The following CACNA1E variants were observed in gnomAD, a reference collection of about 807,000 sequenced individuals.
CACNA1E encodes voltage-dependent R-type calcium channel subunit alpha-1E.
A neutral mutation model predicts 259.2 loss-of-function variants in CACNA1E; 40 were observed. The observed-to-expected ratio is 0.15, with a 90% CI of 0.12 to 0.20. The LOEUF (loss-of-function observed/expected upper bound fraction) is 0.20, where lower values mean the gene tolerates loss of function less well. Ranked by LOEUF, CACNA1E falls within the 10% of genes least tolerant of loss-of-function variation. The probability of loss-of-function intolerance (pLI) is 1.00; values close to 1 mark genes in which losing one functional copy is unlikely to be tolerated. For missense variants in CACNA1E, 1,874 were observed against 3,040.1 expected (o/e 0.62, Z 9.02); for synonymous variants, 1,104 against 1,138.5 (o/e 0.97, Z 0.61).
chr1:181,625,640 C>T (rs1656130519), intron 6 of CACNA1E, among the ~76,000 whole-genome samples: 1 of 152,166 alleles, frequency 6.6e-6, no homozygotes, highest in African/African-American at 2.4e-5. Flanking sequence ...TAGGCTTTGG[C>T]TTAAAGGGAT....
chr1:181,350,881 G>A lies in CACNA1E; in HGVS notation c.-15+32758G>A, dbSNP rs372821277. On this transcript the variant is annotated intron_variant, in intron 1 of 11. Transcript: ENST00000524607. ...TAGGCACTGTGCTGGTGCTGAGGGC[G>A]CAGGGGTGAACAAGACAAATGCAGT... Among the ~76,000 whole-genome samples, 14 of 152,312 alleles carry A rather than the reference G, an allele frequency of 9.2e-5. No homozygotes were observed. The East Asian group carries it at 1.2e-3, about 13-fold the overall frequency.
intron 7 of CACNA1E, among the ~76,000 whole-genome samples, chr1:181,703,645 A>G (rs976976880): frequency 1.3e-5 from 2 of 152,222 alleles, no homozygotes; most frequent in African/African-American, 4.8e-5. Context: ...TGAGCTCCTA[A>G]AAGAATAATC....
chr1:181,501,123 C>G (rs2102563814), intron 1 of CACNA1E, among the ~76,000 whole-genome samples: 1 of 152,118 alleles, frequency 6.6e-6, no homozygotes, highest in East Asian at 1.9e-4. Flanking sequence ...TTTCTTTTTT[C>G]CCTTTTCTGT....
chr1:181,683,465 G>A (rs1212931818), intron 7 of CACNA1E, among the ~76,000 whole-genome samples: 2 of 152,118 alleles, frequency 1.3e-5, no homozygotes, highest in African/African-American at 2.4e-5. Context: ...GTTCAAGGAG[G>A]TACGTGTGCA....
rs537667743 is a variant in CACNA1E at position 181,733,659 on chromosome 1, G to T, written c.3171G>T (p.Thr1057=). The T allele has an allele frequency of 1.2e-6, 2 of 1,606,286 alleles. No individual in the cohort carries two copies. Among genetic ancestry groups the T allele is most frequent in the East Asian group, 4.5e-5 (2 of 44,214 alleles). Residue 1057 remains threonine (T), a synonymous_variant, in exon 21 of 48, where the codon ACG becomes ACT. Transcript: ENST00000367573. ...GCGAGCCTGACCTCTCCTGCATCAC[G>T]GCCAACACGGACAAGGCCACCACCG... ...SQSEPDLSCI[T]ANTDKATTES...
At chr1:181,761,654 ATC>A (rs769867374) in intron 32 of CACNA1E, among the ~76,000 whole-genome samples, 1 of 152,254 alleles carries the variant, frequency 6.6e-6, no homozygotes, top group African/African-American at 2.4e-5. Context: ...GTTGATTTAA[ATC>A]TCTGTTTTCT....
At chr1:181,626,729 A>G (rs1656237785) in intron 6 of CACNA1E, among the ~76,000 whole-genome samples, 1 of 152,198 alleles carries the variant, frequency 6.6e-6, no homozygotes, top group South Asian at 2.1e-4. Context: ...AGCTCTATGA[A>G]TTTATGATTC....
intron 1 of CACNA1E, among the ~76,000 whole-genome samples, chr1:181,396,653 A>G (rs1215301529): frequency 6.6e-6 from 1 of 152,192 alleles, no homozygotes; most frequent in African/African-American, 2.4e-5. Flanking sequence ...ACGAGTGAAA[A>G]ATTGATGACG....
At chr1:181,366,086 G>A (rs1654246611) in intron 1 of CACNA1E, among the ~76,000 whole-genome samples, 1 of 152,198 alleles carries the variant, frequency 6.6e-6, no homozygotes, top group Non-Finnish European at 1.5e-5. Flanking sequence ...GCTGATGAAT[G>A]GAACCTGGGC....
At chr1:181,719,532 C>G (rs1654234822) in intron 12 of CACNA1E, among the ~76,000 whole-genome samples, 1 of 152,162 alleles carries the variant, frequency 6.6e-6, no homozygotes, top group Non-Finnish European at 1.5e-5. Context: ...AGCCAATCTA[C>G]AGTGTGAAGG....
chr1:181,482,808 G>A (rs529700174), upstream of CACNA1E, among the ~76,000 whole-genome samples: 1,109 of 152,356 alleles, frequency 7.3e-3, 17 homozygotes, highest in African/African-American at 0.024. Context: ...CTCGCCCGCC[G>A]GTGCTCGCCG....
In CACNA1E at chr1:181,776,224, G is replaced by A; in HGVS notation, c.5263G>A (p.Ala1755Thr). Residue 1755 changes from alanine to threonine, a missense_variant, in exon 38 of 48, where the codon GCA (alanine) becomes ACA (threonine). Coordinates refer to ENST00000367573, the MANE Select transcript of CACNA1E (RefSeq NM_001205293.3). This position sits in a 1 kb window ranked among gnomAD's most constrained non-coding sequence, Gnocchi z 4.4. ...CGTCTGGGCAGAATATGACCGAGCAGCATGGTGCGTAGGCCCCTCGGCCGC... is the reference window on the plus strand; with the variant it reads ...CGTCTGGGCAGAATATGACCGAGCAACATGGTGCGTAGGCCCCTCGGCCGC... The part of the protein sequence containing the change: ...VRVWAEYDRA[A>T]CGRIHYTEMY... The A allele has an allele frequency of 6.2e-7, 1 of 1,614,008 alleles. No homozygotes were observed. Among genetic ancestry groups the A allele is most frequent in the Non-Finnish European group, 8.5e-7 (1 of 1,179,862 alleles).
chr1:181,669,298 G>A (rs575492761), intron 7 of CACNA1E, among the ~76,000 whole-genome samples: 1 of 152,254 alleles, frequency 6.6e-6, no homozygotes, highest in African/African-American at 2.4e-5. Context: ...ACCTCTCAAA[G>A]CTTTGCTGCA....
At chr1:181,418,848 G>A (rs895431334) in intron 2 of CACNA1E, among the ~76,000 whole-genome samples, 26 of 150,178 alleles carry the variant, frequency 1.7e-4, no homozygotes, top group African/African-American at 6.0e-4. Context: ...TTCCACACAC[G>A]TATATGATAC....
intron 34 of CACNA1E, among the ~76,000 whole-genome samples, chr1:181,765,137 C>T (rs1002620415): frequency 7.2e-5 from 11 of 152,104 alleles, no homozygotes; most frequent in South Asian, 4.1e-4. Context: ...AAGAGCATCG[C>T]CATTGCCTAT....
chr1:181,487,345 G>A (rs1345110322), intron 1 of CACNA1E, among the ~76,000 whole-genome samples: 1 of 152,130 alleles, frequency 6.6e-6, no homozygotes, highest in Non-Finnish European at 1.5e-5. Flanking sequence ...GGAGGGGGAG[G>A]GTAATCTTAT....
At chr1:181,364,633 G>A (rs1654133726) in intron 1 of CACNA1E, among the ~76,000 whole-genome samples, 1 of 147,418 alleles carries the variant, frequency 6.8e-6, no homozygotes, top group African/African-American at 2.4e-5. Context: ...AAGGAAGGTA[G>A]AATGATGCTG....
rs945505883 is a variant in CACNA1E at position 181,349,879 on chromosome 1, G to C, written c.-15+31756G>C. ...GGCCTCCACTCTTACCAACAGCTGT[G>C]TGACCCCAGGCAAGTCACTGTCTTC... On this transcript the variant is annotated intron_variant, in intron 1 of 11. Coordinates refer to the CACNA1E transcript ENST00000524607. 7.5e-4 allele frequency among the ~76,000 whole-genome samples: 114 copies of C among 152,214 alleles called. 1 individual carries two copies. The highest frequency in any genetic ancestry group is 1.8e-4 in the Non-Finnish European group (12 of 68,034).
intron 2 of CACNA1E, among the ~76,000 whole-genome samples, chr1:181,451,998 A>G (rs1413462788): frequency 6.6e-6 from 1 of 152,230 alleles, no homozygotes. Context: ...TTGGAAAGTA[A>G]TGGTCATGCC....
Sources: gnomAD v4.1 joint callset for allele counts (sites outside exome capture counted in the v4.1 genomes callset) on GRCh38, gnomAD v4.1.1 for gene constraint, Gnocchi (gnomAD v3.1) non-coding constraint, MANE v1.5 for transcripts, NCBI Gene and HGNC (gene_info 2026-07-23, HGNC 2026-07-21) for gene names.